CARD8: variants seen among roughly 807,000 people sequenced by gnomAD.
CARD8 encodes the protein caspase recruitment domain-containing protein 8.
In CARD8, 38 loss-of-function variants were observed where a neutral mutation model predicts 53.2. The observed-to-expected ratio is 0.71, with a 90% CI of 0.55 to 0.94. The LOEUF is 0.94. CARD8 is among the 40% of genes least tolerant of loss of function. The pLI is 0.00. For missense variants in CARD8, 561 were observed against 655.5 expected (o/e 0.86, Z 1.57); for synonymous variants, 245 against 244.9 (o/e 1.00, Z 0.00).
rs140937765 is a variant in CARD8, at chr19:48,221,834, G to A, written c.1057C>T (p.Arg353Cys). The A allele has an allele frequency of 4.7e-5, 75 of 1,602,988 alleles. No homozygotes were observed. The highest frequency in any genetic ancestry group is 6.1e-5 in the Non-Finnish European group (72 of 1,172,996). ...LTKAIDDEEDRFHGVRLQTSP... is the reference protein window; with the variant it reads ...LTKAIDDEEDCFHGVRLQTSP... Reference sequence around the variant, plus strand: ...GTCTGCAGGCGCACACCATGGAAGCGATCTTCCTCATCATCTATCGCCTAA... The same window carrying A: ...GTCTGCAGGCGCACACCATGGAAGCAATCTTCCTCATCATCTATCGCCTAA... The change falls in exon 11 of 14, where the codon CGC (arginine) becomes TGC (cysteine). Residue 353 changes from arginine (R) to cysteine (C), a missense_variant. Coordinates refer to ENST00000651546, the MANE Select transcript of CARD8 (RefSeq NM_001184900.3).
intron 4 of CARD8, among the ~76,000 whole-genome samples, chr19:48,239,982 T>A (rs538006036): frequency 6.6e-6 from 1 of 152,256 alleles, no homozygotes; most frequent in East Asian, 1.9e-4. Flanking sequence ...AGGGAACTAA[T>A]TCCATTCATG....
At chr19:48,207,736 T>TTTTTTTTTG (rs1568595493), downstream of CARD8, among the ~76,000 whole-genome samples, 127 of 90,638 alleles carry the variant, frequency 1.4e-3, 1 homozygote, top group African/African-American at 4.6e-3. Flanking sequence ...GTTTTTCTGT[T>TTTTTTTTTG]TTTTTTTTTT....
At chr19:48,238,675 C>A in intron 4 of CARD8, 143 bp from the exon 5 acceptor site, 1 of 726,286 alleles carries the variant, frequency 1.4e-6, no homozygotes, top group Non-Finnish European at 2.2e-6. Context: ...GAGATGCCAT[C>A]CTTAGAGATA....
At chr19:48,246,399 T>C (rs2046113608) in intron 3 of CARD8, among the ~76,000 whole-genome samples, 1 of 152,148 alleles carries the variant, frequency 6.6e-6, no homozygotes, top group Admixed American at 6.5e-5. Context: ...TCAAAAACAG[T>C]ATTTAGAAAC....
In CARD8 at chr19:48,213,882, GC is replaced by G. The variant is rs565924882; in HGVS notation, c.1348+1457del. 1.5e-3 allele frequency among the ~76,000 whole-genome samples: 235 copies of G among 152,178 alleles called. 1 individual carries two copies. The highest frequency in any genetic ancestry group is 5.2e-3 in the African/African-American group (217 of 41,504). ...TATCCATCCTTTAATAGTTACTCTT[GC>G]CTTTCCGTCTAAAGTCCAAAATATT... On this transcript the variant is annotated intron_variant, in intron 13 of 13. Transcript: ENST00000651546.
In CARD8 at chr19:48,211,981, T is replaced by C. The variant is rs375457501; in HGVS notation, c.1349-6A>G. The C allele has an allele frequency of 3.8e-4, 619 of 1,611,716 alleles. No individual in the cohort carries two copies. Among genetic ancestry groups the C allele is most frequent in the Non-Finnish European group, 4.9e-4 (576 of 1,178,594 alleles). ...CTCCTTCACAAAGGCTGCACCTGGA[T>C]GAAAGGGGGAGTTTCAGACTTTGAG... On this transcript the variant is annotated splice_polypyrimidine_tract_variant and splice_region_variant and intron_variant, in intron 13 of 13. Coordinates refer to ENST00000651546, the MANE Select transcript of CARD8 (RefSeq NM_001184900.3).
At position 48,230,546 on chromosome 19, in the gene CARD8, A is replaced by C; in HGVS notation, c.927T>G (p.Thr309=). Residue 309 remains threonine (T), a synonymous_variant, in exon 10 of 14, where the codon ACT becomes ACG. Transcript: ENST00000651546. ...TGGAAGTGATGGGGATGGAGAGGCG[A>C]GTCCCACTGGCGATCCGCAGCAGGA... ...MGILLRIASG[T]RLSIPITSNT... 1 of 1,614,172 alleles carries C rather than the reference A, an allele frequency of 6.2e-7. No homozygotes were observed. Among genetic ancestry groups the C allele is most frequent in the Non-Finnish European group, 8.5e-7 (1 of 1,180,018 alleles).
At chr19:48,239,188 C>G (rs1433957917) in intron 4 of CARD8, among the ~76,000 whole-genome samples, 1 of 152,148 alleles carries the variant, frequency 6.6e-6, no homozygotes, top group Non-Finnish European at 1.5e-5. Context: ...GTGAGCGTGT[C>G]AGGGATGATG....
rs1352320491 is a variant in CARD8 at position 48,209,488 on chromosome 19, T to C, written c.*2222A>G. On this transcript the variant is annotated 3_prime_UTR_variant, in exon 14 of 14. Transcript: ENST00000651546. Reference sequence around the variant, plus strand: ...ACAACAGGTGAACACTCCAGCAAATTTGAAAATAGACAAATTAAAATTACC... The same window carrying C: ...ACAACAGGTGAACACTCCAGCAAATCTGAAAATAGACAAATTAAAATTACC... 1.3e-5 allele frequency: 2 copies of C among 152,002 alleles called. No homozygotes were observed. Among genetic ancestry groups the C allele is most frequent in the African/African-American group, 2.4e-5 (1 of 41,446 alleles). The allele number at this position is 152,002 out of a possible 1,614,324, so 9.4% of individuals were successfully genotyped here. A position where few individuals can be genotyped will look rare whatever the true frequency, so the allele number is the denominator to read the frequency against.
At chr19:48,245,270 C>G (rs911500841) in intron 3 of CARD8, among the ~76,000 whole-genome samples, 3 of 152,126 alleles carry the variant, frequency 2.0e-5, no homozygotes, top group Non-Finnish European at 4.4e-5. Flanking sequence ...AGAGAAGTGG[C>G]ACAATCTCGG....
intron 11 of CARD8, among the ~76,000 whole-genome samples, chr19:48,221,008 A>AAGAGAAAAAAAG (rs1555806505): frequency 8.2e-6 from 1 of 122,040 alleles, no homozygotes; most frequent in Non-Finnish European, 1.6e-5. Context: ...GAAAGAAAGA[A>AAGAGAAAAAAAG]AAAGAAAGAA....
intron 10 of CARD8, among the ~76,000 whole-genome samples, chr19:48,229,087 C>T (rs11670750): frequency 0.31 from 46,599 of 151,614 alleles, 7,342 homozygotes; most frequent in East Asian, 0.46. Flanking sequence ...TTCAGTGAGC[C>T]GCAATTGCCA....
intron 13 of CARD8, 101 bp from the exon 14 acceptor site, chr19:48,212,076 C>T: frequency 1.8e-6 from 2 of 1,113,278 alleles, no homozygotes; most frequent in South Asian, 3.0e-5. Flanking sequence ...GGAGATTGCT[C>T]CTTGTGTCTG....
In CARD8 at chr19:48,231,678, T is replaced by C; in HGVS notation, c.524A>G (p.Lys175Arg). The change falls in exon 8 of 14, where the codon AAG becomes AGG. Residue 175 changes from lysine (K) to arginine (R), a missense_variant. Physicochemically the swap from Lys to Arg is conservative, Grantham distance 26. Transcript: ENST00000651546. ...EGNVDVELID[K>R]STNRYSVWFP... The stretch of plus-strand genomic sequence containing the variant: ...TTCTTACCTGTATCTGTTTGTGCTC[T>C]TATCAATCAACTCAACATCCACATT... 1 of 1,606,778 alleles carries C rather than the reference T, an allele frequency of 6.2e-7. No individual in the cohort carries two copies. The highest frequency in any genetic ancestry group is 8.5e-7 in the Non-Finnish European group (1 of 1,176,696).
At position 48,231,472 on chromosome 19, in the gene CARD8, T is replaced by C. The variant is rs148847434; in HGVS notation, c.542+188A>G. On this transcript the variant is annotated intron_variant, in intron 8 of 13. Transcript: ENST00000651546. ...CGCGGGTGCCACCACGCCTGACTAA[T>C]TTTTGTATTTTTAGTAGAGACAGGG... 2.7e-4 allele frequency among the ~76,000 whole-genome samples: 41 copies of C among 151,918 alleles called. No homozygotes were observed. Among genetic ancestry groups the C allele is most frequent in the African/African-American group, 9.2e-4 (38 of 41,428 alleles).
At chr19:48,255,400 T>C (rs1268341312) in intron 1 of CARD8, among the ~76,000 whole-genome samples, 1 of 152,184 alleles carries the variant, frequency 6.6e-6, no homozygotes, top group Non-Finnish European at 1.5e-5. Context: ...TAGGAAGCTT[T>C]CATATGTTTG....
At position 48,211,978 on chromosome 19, in the gene CARD8, G is replaced by A; in HGVS notation, c.1349-3C>T. 5.6e-6 allele frequency: 9 copies of A among 1,611,702 alleles called. No homozygotes were observed. Among genetic ancestry groups the A allele is most frequent in the Non-Finnish European group, 7.6e-6 (9 of 1,178,608 alleles). ...GTTCTCCTTCACAAAGGCTGCACCT[G>A]GATGAAAGGGGGAGTTTCAGACTTT... On this transcript the variant is annotated splice_polypyrimidine_tract_variant and splice_region_variant and intron_variant, in intron 13 of 13. Transcript: ENST00000651546.
At position 48,215,363 on chromosome 19, in the gene CARD8, G is replaced by A. The variant is rs1283699038; in HGVS notation, c.1325C>T (p.Ala442Val). 1.9e-6 allele frequency: 3 copies of A among 1,610,950 alleles called. No individual in the cohort carries two copies. Among genetic ancestry groups the A allele is most frequent in the Non-Finnish European group, 2.5e-6 (3 of 1,177,432 alleles). The change falls in exon 13 of 14, where the codon GCA becomes GTA. Residue 442 changes from alanine (A) to valine (V), a missense_variant. Physicochemically the swap from Ala to Val is moderately conservative, Grantham distance 64 (BLOSUM62 0). Coordinates refer to ENST00000651546, the MANE Select transcript of CARD8 (RefSeq NM_001184900.3). ...ACCTGAGAAAGGAGGAGGGGCTGAT[G>A]CAGCTACAAGCTGGAGATCCACTAC... ...VKPVDLQLVA[A>V]SAPPPFSGAA... is the part of the protein sequence containing the mutation.
At chr19:48,220,975 AAGGAAGGAAGGAAG>A (rs2040434700) in intron 11 of CARD8, among the ~76,000 whole-genome samples, 3 of 94,538 alleles carry the variant, frequency 3.2e-5, no homozygotes, top group Admixed American at 1.2e-4. Context: ...GGAAGGAAGG[AAGGAAGGAAGGAAG>A]GAAGGAAAGA....
Sources: allele counts gnomAD v4.1 joint callset (sites outside exome capture counted in the v4.1 genomes callset), GRCh38; gene constraint gnomAD v4.1.1; transcripts MANE v1.5; gene names NCBI Gene and HGNC (gene_info 2026-07-23, HGNC 2026-07-21).